The following VIT variants were observed in gnomAD, a reference collection of about 807,000 sequenced individuals.
VIT encodes vitrin.
A neutral mutation model predicts 78.0 loss-of-function variants in VIT; 99 were observed. That is an observed-to-expected ratio of 1.27 (90% CI 1.08 to 1.50). The LOEUF (loss-of-function observed/expected upper bound fraction) is 1.50. Ranked by LOEUF, VIT falls within the 40% of genes most tolerant of loss-of-function variation. VIT has a pLI of 0.00. For missense variants in VIT, 1,126 were observed against 875.3 expected, an observed-to-expected ratio of 1.29 and a Z score of -3.61; for synonymous variants, 374 against 334.3, an observed-to-expected ratio of 1.12 and a Z score of -1.29.
chr2:36,726,340 T>C (rs570629275), intron 2 of VIT, among the ~76,000 whole-genome samples: 3 of 152,314 alleles, frequency 2.0e-5, no homozygotes, highest in African/African-American at 7.2e-5. Flanking sequence ...TAGAAATAAG[T>C]TATTGAACAT....
intron 5 of VIT, among the ~76,000 whole-genome samples, chr2:36,758,399 T>A (rs555187034): frequency 6.6e-6 from 1 of 152,248 alleles, no homozygotes; most frequent in African/African-American, 2.4e-5. Flanking sequence ...AATTTTTTTA[T>A]GCTTATTTTT....
intron 15 of VIT, among the ~76,000 whole-genome samples, chr2:36,810,258 C>G (rs1484025922): frequency 6.6e-6 from 1 of 152,224 alleles, no homozygotes; most frequent in Non-Finnish European, 1.5e-5. Context: ...TGCCATTGCA[C>G]TCCAGCCTGG....
chr2:36,717,114 A>T (rs1558510287), intron 2 of VIT, among the ~76,000 whole-genome samples: 4 of 150,762 alleles, frequency 2.7e-5, no homozygotes, highest in African/African-American at 9.8e-5. Context: ...TGACCTCGTG[A>T]TCCGTCCACC....
chr2:36,778,322 C>T (rs778271875), intron 9 of VIT, among the ~76,000 whole-genome samples: 16 of 152,194 alleles, frequency 1.1e-4, no homozygotes, highest in Non-Finnish European at 1.8e-4. Context: ...CTTTACCCCT[C>T]CTACCACGGT....
chr2:36,759,297 G>A (rs1234945489), intron 6 of VIT: 11 of 1,451,786 alleles, frequency 7.6e-6, no homozygotes, highest in Non-Finnish European at 9.9e-6. Flanking sequence ...TTTTCATTCA[G>A]ATTGACTGTT....
chr2:36,721,478 A>C (rs1037495179), intron 2 of VIT, among the ~76,000 whole-genome samples: 1 of 151,948 alleles, frequency 6.6e-6, no homozygotes, highest in African/African-American at 2.4e-5. Flanking sequence ...CCCTGCCCCA[A>C]ATCCTTACGC....
intron 1 of VIT, among the ~76,000 whole-genome samples, chr2:36,712,360 T>A (rs1398999769): frequency 6.6e-6 from 1 of 152,208 alleles, no homozygotes; most frequent in Non-Finnish European, 1.5e-5. Flanking sequence ...TTGGTTTTTA[T>A]CCATTCATTC....
chr2:36,790,784 C>T (rs890016429), intron 12 of VIT, among the ~76,000 whole-genome samples: 1 of 152,196 alleles, frequency 6.6e-6, no homozygotes, highest in Admixed American at 6.5e-5. Flanking sequence ...ACTGAGACAT[C>T]GTGTGTGGAC....
At chr2:36,706,497 C>T (rs1051939354) in intron 1 of VIT, among the ~76,000 whole-genome samples, 2 of 152,114 alleles carry the variant, frequency 1.3e-5, no homozygotes, top group Non-Finnish European at 2.9e-5. Context: ...GGGATCTTCT[C>T]CCCCTGCTCC....
At chr2:36,704,336 T>C (rs919060744) in intron 1 of VIT, among the ~76,000 whole-genome samples, 1 of 152,210 alleles carries the variant, frequency 6.6e-6, no homozygotes, top group Non-Finnish European at 1.5e-5. Flanking sequence ...AAATCACCTG[T>C]GTACCATGTG....
At chr2:36,721,166 T>C (rs913376896) in intron 2 of VIT, among the ~76,000 whole-genome samples, 9 of 152,180 alleles carry the variant, frequency 5.9e-5, no homozygotes, top group African/African-American at 1.7e-4. Flanking sequence ...ACATAAAAAT[T>C]GTTAAGTATG....
chr2:36,730,520 T>G (rs1292138413), intron 3 of VIT, among the ~76,000 whole-genome samples: 2 of 152,188 alleles, frequency 1.3e-5, no homozygotes, highest in Non-Finnish European at 1.5e-5. Context: ...TAGGAAGGGA[T>G]GAAGAAGGGC....
At chr2:36,749,746 G>A (rs1240318016) in intron 4 of VIT, among the ~76,000 whole-genome samples, 1 of 152,142 alleles carries the variant, frequency 6.6e-6, no homozygotes, top group Non-Finnish European at 1.5e-5. Context: ...CTTGGCTACT[G>A]GATGCTGGAT....
At chr2:36,718,307 A>G (rs1350855534) in intron 2 of VIT, among the ~76,000 whole-genome samples, 1 of 152,144 alleles carries the variant, frequency 6.6e-6, no homozygotes, top group African/African-American at 2.4e-5. Context: ...GAAGAGAAGA[A>G]GGTAATACAG....
intron 7 of VIT, among the ~76,000 whole-genome samples, chr2:36,773,109 C>T (rs768598889): frequency 1.3e-5 from 2 of 152,136 alleles, no homozygotes; most frequent in Admixed American, 6.5e-5. Flanking sequence ...ACCACGTTAA[C>T]GCAGCTTAAG....
At chr2:36,699,516 T>TTTTATATA (rs10661448) in intron 1 of VIT, among the ~76,000 whole-genome samples, 4,062 of 148,850 alleles carry the variant, frequency 0.027, 114 homozygotes, top group East Asian at 0.095. Context: ...TTAGAGGGGG[T>TTTTATATA]TATATATATA....
chr2:36,760,006 C>CA, intron 6 of VIT, among the ~76,000 whole-genome samples: 1 of 37,662 alleles, frequency 2.7e-5, no homozygotes, highest in East Asian at 1.4e-3. Flanking sequence ...TTTTTTTTTT[C>CA]TTTTTTTGAG....
chr2:36,756,015 T>C (rs1162172857), intron 5 of VIT, among the ~76,000 whole-genome samples: 3 of 141,544 alleles, frequency 2.1e-5, no homozygotes, highest in Non-Finnish European at 4.5e-5. Flanking sequence ...TGGAGCGTAA[T>C]GACACGATCT....
intron 11 of VIT, among the ~76,000 whole-genome samples, chr2:36,784,814 A>G (rs1664984930): frequency 6.6e-6 from 1 of 152,266 alleles, no homozygotes. Flanking sequence ...TGGCATCTTC[A>G]GATCAGAATG....
Sources: allele counts gnomAD v4.1 joint callset (sites outside exome capture counted in the v4.1 genomes callset), GRCh38; gene constraint gnomAD v4.1.1; transcripts MANE v1.5; gene names NCBI Gene and HGNC (gene_info 2026-07-23, HGNC 2026-07-21).